Variants in NBAS observed in about 807,000 individuals in gnomAD.
The protein encoded by NBAS is NBAS subunit of NRZ tethering complex.
A neutral mutation model predicts 302.5 loss-of-function variants in NBAS; 219 were observed. The observed-to-expected ratio is 0.72, with a 90% CI of 0.65 to 0.81. NBAS has a LOEUF of 0.81. Among genes scored for constraint, NBAS ranks in the 30% least tolerant of loss-of-function variants. The pLI is 0.00. For missense variants in NBAS, 2,932 were observed against 2,841.6 expected, an observed-to-expected ratio of 1.03 and a Z score of -0.72; for synonymous variants, 1,118 against 1,021.6, an observed-to-expected ratio of 1.09 and a Z score of -1.80.
At position 15,442,880 on chromosome 2, in the gene NBAS, T is replaced by C. The variant is rs1229304427; in HGVS notation, c.2340-15086A>G. 2.7e-3 allele frequency among the ~76,000 whole-genome samples: 411 copies of C among 151,980 alleles called. 4 individuals carry two copies. The highest frequency in any genetic ancestry group is 3.8e-3 in the Non-Finnish European group (261 of 67,936). On this transcript the variant is annotated intron_variant, in intron 21 of 51. Coordinates refer to ENST00000281513, the MANE Select transcript of NBAS (RefSeq NM_015909.4). ...TCAGAGAATACTACAAACACCTCTA[T>C]GCAAATAAACTAGAAAATCTAGAAG...
the NBAS span, among the ~76,000 whole-genome samples, chr2:15,033,663 T>A: frequency 1.3e-5 from 2 of 152,124 alleles, no homozygotes; most frequent in African/African-American, 4.8e-5. Flanking sequence ...AGATGAACTC[T>A]CTTATAAGAA....
intron 9 of NBAS, among the ~76,000 whole-genome samples, chr2:15,528,954 T>C (rs1248728196): frequency 6.7e-6 from 1 of 149,746 alleles, no homozygotes; most frequent in East Asian, 2.0e-4. Flanking sequence ...GAATATGAGA[T>C]CTTAGGTCAG....
At chr2:15,057,967 A>G in the NBAS span, among the ~76,000 whole-genome samples, 11 of 152,312 alleles carry the variant, frequency 7.2e-5, no homozygotes, top group Admixed American at 7.2e-4. Flanking sequence ...GGATGCAGCA[A>G]TCAGGGAACA....
At chr2:14,917,029 C>T in the NBAS span, among the ~76,000 whole-genome samples, 2 of 152,196 alleles carry the variant, frequency 1.3e-5, no homozygotes, top group Non-Finnish European at 2.9e-5. Context: ...TGAGAAGGCC[C>T]ATGGATTTTA....
chr2:15,253,035 G>A (rs1054212113), intron 44 of NBAS, among the ~76,000 whole-genome samples: 7 of 152,110 alleles, frequency 4.6e-5, no homozygotes, highest in African/African-American at 1.4e-4. Context: ...GAAGAAGGAG[G>A]GGAGGGTGGA....
the NBAS span, among the ~76,000 whole-genome samples, chr2:14,825,660 C>A: frequency 1.3e-5 from 2 of 152,222 alleles, no homozygotes; most frequent in East Asian, 3.9e-4. Flanking sequence ...AAAAAATGGT[C>A]CCTGTATTCC....
At chr2:14,993,824 A>G in the NBAS span, among the ~76,000 whole-genome samples, 1 of 152,206 alleles carries the variant, frequency 6.6e-6, no homozygotes, top group Non-Finnish European at 1.5e-5. Flanking sequence ...TTTATTAAAA[A>G]CATATCATTA....
chr2:14,881,879 A>G, the NBAS span, among the ~76,000 whole-genome samples: 1 of 152,216 alleles, frequency 6.6e-6, no homozygotes, highest in African/African-American at 2.4e-5. Flanking sequence ...GGCTATAACC[A>G]AATAAGAGAA....
At chr2:15,279,098 A>G (rs1669716463) in intron 42 of NBAS, among the ~76,000 whole-genome samples, 1 of 152,200 alleles carries the variant, frequency 6.6e-6, no homozygotes, top group African/African-American at 2.4e-5. Flanking sequence ...TCTAAAAACA[A>G]TGTAGTAAGG....
intron 28 of NBAS, among the ~76,000 whole-genome samples, chr2:15,383,837 G>T (rs1354329816): frequency 6.6e-6 from 1 of 152,144 alleles, no homozygotes; most frequent in African/African-American, 2.4e-5. Flanking sequence ...CAGCAGGGCA[G>T]CATCAGTTGC....
chr2:14,843,913 C>T, the NBAS span, among the ~76,000 whole-genome samples: 2 of 152,196 alleles, frequency 1.3e-5, no homozygotes, highest in African/African-American at 4.8e-5. Context: ...TCTCAGCGGT[C>T]GGAACTTCAG....
chr2:14,795,907 G>A, the NBAS span, among the ~76,000 whole-genome samples: 6 of 152,178 alleles, frequency 3.9e-5, no homozygotes, highest in South Asian at 2.1e-4. Context: ...GGCCTAACTC[G>A]AAGTCATAAA....
At chr2:15,229,738 C>T (rs529062939) in intron 47 of NBAS, among the ~76,000 whole-genome samples, 2 of 150,714 alleles carry the variant, frequency 1.3e-5, no homozygotes, top group Non-Finnish European at 2.9e-5. Context: ...GCCGAGACTG[C>T]GCCATTGTAC....
the NBAS span, among the ~76,000 whole-genome samples, chr2:15,024,657 ATT>A: frequency 6.6e-6 from 1 of 152,102 alleles, no homozygotes; most frequent in African/African-American, 2.4e-5. Flanking sequence ...GATAATAGCC[ATT>A]TTTTGACTGG....
intron 29 of NBAS, 45 bp downstream of exon 29, chr2:15,383,170 A>T: frequency 6.9e-7 from 1 of 1,440,616 alleles, no homozygotes; most frequent in Non-Finnish European, 9.6e-7. Flanking sequence ...CATAACAATT[A>T]AAATTGTTAA....
At chr2:15,501,855 T>G (rs1661583523) in intron 11 of NBAS, among the ~76,000 whole-genome samples, 1 of 151,968 alleles carries the variant, frequency 6.6e-6, no homozygotes, top group Admixed American at 6.6e-5. Context: ...CTCGACCTCC[T>G]GGGCTTAAGT....
At chr2:15,535,680 A>G (rs775501921) in intron 8 of NBAS, among the ~76,000 whole-genome samples, 1 of 152,130 alleles carries the variant, frequency 6.6e-6, no homozygotes, top group African/African-American at 2.4e-5. Context: ...TATAAATGCT[A>G]TGTAAATAGT....
At chr2:15,007,780 G>A in the NBAS span, among the ~76,000 whole-genome samples, 1 of 152,162 alleles carries the variant, frequency 6.6e-6, no homozygotes, top group East Asian at 1.9e-4. Flanking sequence ...GTAACAAAAT[G>A]TTTTGAAAAT....
intron 48 of NBAS, among the ~76,000 whole-genome samples, chr2:15,203,981 A>T (rs1040209000): frequency 6.6e-6 from 1 of 151,634 alleles, no homozygotes; most frequent in Non-Finnish European, 1.5e-5. Flanking sequence ...CAGATAAGCC[A>T]GGTGCAGTGG....
Sources: allele counts gnomAD v4.1 joint callset (sites outside exome capture counted in the v4.1 genomes callset), GRCh38; gene constraint gnomAD v4.1.1; transcripts MANE v1.5; gene names NCBI Gene and HGNC (gene_info 2026-07-23, HGNC 2026-07-21).